Variants in ENOX1 observed in about 807,000 individuals in gnomAD.
ENOX1 encodes the protein candidate growth-related and time keeping constitutive hydroquinone (NADH) oxidase.
In ENOX1, 42 loss-of-function variants were observed where a neutral mutation model predicts 82.5. The ratio of observed to expected loss-of-function variants is 0.51; its 90% CI spans 0.40 to 0.66. The LOEUF (loss-of-function observed/expected upper bound fraction) is 0.66, where lower values mean the gene tolerates loss of function less well. Ranked by LOEUF, ENOX1 falls within the 30% of genes least tolerant of loss-of-function variation. The pLI is 0.00. For missense variants in ENOX1, 608 were observed against 811.6 expected (o/e 0.75, Z 3.05); for synonymous variants, 271 against 282.2 (o/e 0.96, Z 0.40).
intron 2 of ENOX1, among the ~76,000 whole-genome samples, chr13:43,656,924 T>C (rs1381397340): frequency 2.6e-5 from 4 of 152,204 alleles, no homozygotes; most frequent in African/African-American, 9.7e-5. Context: ...ACACAATCTA[T>C]ATTTATCATG....
At chr13:43,650,980 G>C (rs1383869909) in intron 2 of ENOX1, among the ~76,000 whole-genome samples, 2 of 152,170 alleles carry the variant, frequency 1.3e-5, no homozygotes, top group African/African-American at 2.4e-5. Flanking sequence ...AGAGAGATCA[G>C]TGCACGTCTG....
intron 5 of ENOX1, among the ~76,000 whole-genome samples, chr13:43,380,950 C>A (rs1432442932): frequency 6.6e-6 from 1 of 151,746 alleles, no homozygotes; most frequent in African/African-American, 2.4e-5. Flanking sequence ...GATGAATCCA[C>A]AATTAACAGT....
At chr13:43,737,551 C>G (rs1300321262) in intron 1 of ENOX1, among the ~76,000 whole-genome samples, 1 of 152,182 alleles carries the variant, frequency 6.6e-6, no homozygotes, top group Non-Finnish European at 1.5e-5. Flanking sequence ...AACCCTTCCT[C>G]AGAACTGATC....
intron 5 of ENOX1, among the ~76,000 whole-genome samples, chr13:43,367,001 C>T (rs575079611): frequency 2.0e-5 from 3 of 152,204 alleles, no homozygotes; most frequent in African/African-American, 7.2e-5. Flanking sequence ...ACATAGCAGA[C>T]ACACAATCAT....
At chr13:43,566,979 G>A (rs945717490) in intron 2 of ENOX1, among the ~76,000 whole-genome samples, 2 of 152,002 alleles carry the variant, frequency 1.3e-5, no homozygotes, top group Non-Finnish European at 2.9e-5. Flanking sequence ...ATAAGAATGA[G>A]CAGAACAATG....
At chr13:43,306,971 G>A (rs2046905952) in intron 11 of ENOX1, among the ~76,000 whole-genome samples, 1 of 152,222 alleles carries the variant, frequency 6.6e-6, no homozygotes. Flanking sequence ...CTCTTTGCAA[G>A]GAGTAGCATC....
rs184198058 is a variant in ENOX1 at position 43,410,986 on chromosome 13, G to C, written c.208+930C>G. On this transcript the variant is annotated intron_variant, in intron 5 of 16. Coordinates refer to ENST00000690772, the MANE Select transcript of ENOX1 (RefSeq NM_001347969.2). The stretch of plus-strand genomic sequence containing the variant: ...CCTGCACCAGACAGCGGCTCAATGA[G>C]TATTTGTTGAATGAATGAATGAGTG... Among the ~76,000 whole-genome samples, 189 of 152,288 alleles carry C rather than the reference G, an allele frequency of 1.2e-3. 2 individuals carry two copies. The highest frequency in any genetic ancestry group is 1.2e-3 in the Admixed American group (19 of 15,306).
At chr13:43,375,734 A>G (rs2051585610) in intron 5 of ENOX1, among the ~76,000 whole-genome samples, 2 of 152,358 alleles carry the variant, frequency 1.3e-5, no homozygotes, top group African/African-American at 4.8e-5. Flanking sequence ...TTGTAAATAC[A>G]TACCCAGGTC....
chr13:43,735,496 G>A (rs2153824106), intron 1 of ENOX1, among the ~76,000 whole-genome samples: 1 of 152,260 alleles, frequency 6.6e-6, no homozygotes, highest in East Asian at 1.9e-4. Context: ...GAGGCGGGTG[G>A]ATTGCCTGAG....
intron 5 of ENOX1, among the ~76,000 whole-genome samples, chr13:43,369,693 T>C (rs920701472): frequency 1.5e-4 from 23 of 152,262 alleles, no homozygotes; most frequent in Non-Finnish European, 7.3e-5. Flanking sequence ...GTTCTCCTCC[T>C]GTCTTGAATT....
intron 3 of ENOX1, among the ~76,000 whole-genome samples, chr13:43,421,619 A>G (rs546997958): frequency 5.9e-5 from 9 of 152,300 alleles, no homozygotes; most frequent in Admixed American, 5.9e-4. Flanking sequence ...CTGTTAAGGC[A>G]GAAAGATAAA....
Position 43,412,945 on chromosome 13 carries a change from A to G in ENOX1, c.-31T>C. On this transcript the variant is annotated 5_prime_UTR_variant, in exon 4 of 17. Coordinates refer to ENST00000690772, the MANE Select transcript of ENOX1 (RefSeq NM_001347969.2). ...TATGAGTGTCCAGAGGGGCAGGAACACTTTGATGGCTGAGTGCAGGGTCCC... is the reference window on the plus strand; with the variant it reads ...TATGAGTGTCCAGAGGGGCAGGAACGCTTTGATGGCTGAGTGCAGGGTCCC... 2 of 1,613,176 alleles carry G rather than the reference A, an allele frequency of 1.2e-6. No homozygotes were observed. Among genetic ancestry groups the G allele is most frequent in the African/African-American group, 2.7e-5 (2 of 75,010 alleles).
At chr13:43,648,358 G>A (rs1372743108) in intron 2 of ENOX1, among the ~76,000 whole-genome samples, 1 of 152,186 alleles carries the variant, frequency 6.6e-6, no homozygotes, top group African/African-American at 2.4e-5. Context: ...GTCAGCTTCT[G>A]CAACCACGCA....
At chr13:43,336,656 C>CCTCCAGGA (rs1310498167) in intron 9 of ENOX1, among the ~76,000 whole-genome samples, 1 of 152,116 alleles carries the variant, frequency 6.6e-6, no homozygotes, top group Admixed American at 6.5e-5. Flanking sequence ...GAGCTTTGAA[C>CCTCCAGGA]CTCATGGTTG....
chr13:43,742,124 A>G (rs548502337), intron 1 of ENOX1, among the ~76,000 whole-genome samples: 1 of 152,320 alleles, frequency 6.6e-6, no homozygotes, highest in South Asian at 2.1e-4. Context: ...TTAGAAAGCT[A>G]TTATCATAAA....
At chr13:43,243,760 C>G (rs758749105) in intron 14 of ENOX1, among the ~76,000 whole-genome samples, 3 of 152,192 alleles carry the variant, frequency 2.0e-5, no homozygotes, top group Non-Finnish European at 2.9e-5. Flanking sequence ...TGATAACCTA[C>G]AGGAAAAAGT....
chr13:43,631,704 ATTT>A (rs2083224776), intron 2 of ENOX1, among the ~76,000 whole-genome samples: 1 of 152,026 alleles, frequency 6.6e-6, no homozygotes, highest in Non-Finnish European at 1.5e-5. Context: ...GGCTTTTATT[ATTT>A]TTTCTTTTAT....
chr13:43,510,052 A>C (rs999012331), intron 2 of ENOX1, among the ~76,000 whole-genome samples: 2 of 152,024 alleles, frequency 1.3e-5, no homozygotes, highest in African/African-American at 4.8e-5. Flanking sequence ...TTCTCTGTAC[A>C]TATGTATAGA....
chr13:43,409,242 T>C (rs2053977771), intron 5 of ENOX1, among the ~76,000 whole-genome samples: 1 of 152,156 alleles, frequency 6.6e-6, no homozygotes. Context: ...TCCATATGTA[T>C]AGTTTGGGAA....
Sources: gnomAD v4.1 joint callset for allele counts (sites outside exome capture counted in the v4.1 genomes callset) on GRCh38, gnomAD v4.1.1 for gene constraint, MANE v1.5 for transcripts, NCBI Gene and HGNC (gene_info 2026-07-23, HGNC 2026-07-21) for gene names.